Variants in CCDC138 observed in about 807,000 individuals in gnomAD.
The protein encoded by CCDC138 is coiled-coil domain-containing protein 138.
A neutral mutation model predicts 82.3 loss-of-function variants in CCDC138; 66 were observed. The ratio of observed to expected loss-of-function variants is 0.80; its 90% CI spans 0.66 to 0.98. The LOEUF (loss-of-function observed/expected upper bound fraction) is 0.98. Ranked by LOEUF, CCDC138 falls within the 50% of genes least tolerant of loss-of-function variation. The probability of loss-of-function intolerance (pLI) is 0.00; values close to 1 mark genes in which losing one functional copy is unlikely to be tolerated. For missense variants in CCDC138, 816 were observed against 758.9 expected, an observed-to-expected ratio of 1.08 and a Z score of -0.88; for synonymous variants, 297 against 265.4, an observed-to-expected ratio of 1.12 and a Z score of -1.16.
intron 10 of CCDC138, among the ~76,000 whole-genome samples, chr2:108,825,699 C>T (rs1474475142): frequency 2.0e-5 from 3 of 152,150 alleles, no homozygotes; most frequent in Non-Finnish European, 4.4e-5. Flanking sequence ...ACCCATATCA[C>T]TTGATAGACT....
At chr2:108,849,209 G>A (rs1314888806) in intron 12 of CCDC138, among the ~76,000 whole-genome samples, 2 of 151,972 alleles carry the variant, frequency 1.3e-5, no homozygotes, top group African/African-American at 2.4e-5. Flanking sequence ...AAAGAAAACA[G>A]AACATCAGTG....
chr2:108,876,406 T>C lies in CCDC138; in HGVS notation c.*153T>C. 2.1e-6 allele frequency: 1 copy of C among 469,824 alleles called. No individual in the cohort carries two copies. The highest frequency in any genetic ancestry group is 3.7e-6 in the Non-Finnish European group (1 of 271,330). 29.1% of individuals were successfully genotyped at this position (469,824 alleles called of 1,614,324 possible). A position where few individuals can be genotyped will look rare whatever the true frequency, so the allele number is the denominator to read the frequency against. ...TTTTGAACTGTAAAAATGAAATCTGTAGAAGGTATTGGAACTTTTGGAATG... is the reference window on the plus strand; with the variant it reads ...TTTTGAACTGTAAAAATGAAATCTGCAGAAGGTATTGGAACTTTTGGAATG... On this transcript the variant is annotated 3_prime_UTR_variant, in exon 15 of 15. Transcript: ENST00000295124.
rs1288570104 is a variant in CCDC138, at chr2:108,807,878, G to A, written c.855+2870G>A. Among the ~76,000 whole-genome samples, 5 of 152,146 alleles carry A rather than the reference G, an allele frequency of 3.3e-5. No homozygotes were observed. The South Asian group carries it at 6.2e-4, about 19-fold the overall frequency. On this transcript the variant is annotated intron_variant, in intron 7 of 14. Transcript: ENST00000295124. The stretch of plus-strand genomic sequence containing the variant: ...CCTGCCTCGGCCTCCCGAAGTGCTC[G>A]GATTACAGGCCTGAGCCACTGTACC...
In CCDC138 at chr2:108,862,071, A is replaced by G. The variant is rs572869455; in HGVS notation, c.1693+5101A>G. Among the ~76,000 whole-genome samples the G allele has an allele frequency of 5.8e-3, 586 of 101,210 alleles. 1 individual carries two copies. The highest frequency in any genetic ancestry group is 9.1e-3 in the Non-Finnish European group (471 of 52,006). 66.4% of individuals were successfully genotyped at this position (101,210 alleles called of 152,430 possible). Reference sequence around the variant, plus strand: ...ATGGCCCAAGAGGATTCTTGGTATGATTTCAGTTTTTTTTTTTTTTATTTG... The same window carrying G: ...ATGGCCCAAGAGGATTCTTGGTATGGTTTCAGTTTTTTTTTTTTTTATTTG... On this transcript the variant is annotated intron_variant, in intron 13 of 14. Coordinates refer to ENST00000295124, the MANE Select transcript of CCDC138 (RefSeq NM_144978.3).
chr2:108,854,013 ATATAATAAATTTATATTATATATAAT>A (rs1692144824), intron 12 of CCDC138, among the ~76,000 whole-genome samples: 1 of 117,044 alleles, frequency 8.5e-6, no homozygotes, highest in Non-Finnish European at 1.7e-5. Flanking sequence ...TATATATAAT[ATATAATAAATTTATATTATATATAAT>A]ATATAATAAA....
chr2:108,823,794 A>G (rs1686103913), intron 10 of CCDC138, among the ~76,000 whole-genome samples: 1 of 152,198 alleles, frequency 6.6e-6, no homozygotes, highest in Non-Finnish European at 1.5e-5. Flanking sequence ...AGCCTGGCCA[A>G]TGTGAAACTC....
chr2:108,833,426 T>A (rs1180479571), intron 10 of CCDC138, among the ~76,000 whole-genome samples: 1 of 152,136 alleles, frequency 6.6e-6, no homozygotes, highest in East Asian at 1.9e-4. Flanking sequence ...GATCTGTTAG[T>A]TTAAAAGTAA....
At chr2:108,864,611 C>T (rs1694126577) in intron 13 of CCDC138, among the ~76,000 whole-genome samples, 1 of 152,050 alleles carries the variant, frequency 6.6e-6, no homozygotes, top group Non-Finnish European at 1.5e-5. Context: ...GCCTGGCTAA[C>T]ATGGTGAAAC....
rs561164429 is a variant in CCDC138 at position 108,855,058 on chromosome 2, T to C, written c.1517-1736T>C. ...GACATTGTTAAAAGACTGAATAATA[T>C]AGCATTTATAAAAAGAAACCAACTT... is the stretch of plus-strand genomic sequence containing the variant. On this transcript the variant is annotated intron_variant, in intron 12 of 14. Transcript: ENST00000295124. Among the ~76,000 whole-genome samples the C allele has an allele frequency of 3.3e-5, 5 of 152,266 alleles. No homozygotes were observed. In the South Asian group the frequency reaches 8.3e-4, roughly 25 times the overall value.
intron 5 of CCDC138, among the ~76,000 whole-genome samples, chr2:108,797,017 T>C (rs1486333924): frequency 6.6e-6 from 1 of 152,190 alleles, no homozygotes; most frequent in Non-Finnish European, 1.5e-5. Flanking sequence ...GTAATAGATA[T>C]CCCCATCACC....
chr2:108,876,362 C>A lies in CCDC138; in HGVS notation c.*109C>A. Reference sequence around the variant, plus strand: ...TAAAGTTATCAGTAGCATCATTTATCATGAAAAATAAATAATTTTTTTGAA... The same window carrying A: ...TAAAGTTATCAGTAGCATCATTTATAATGAAAAATAAATAATTTTTTTGAA... On this transcript the variant is annotated 3_prime_UTR_variant, in exon 15 of 15. Transcript: ENST00000295124. 1 of 597,040 alleles carries A rather than the reference C, an allele frequency of 1.7e-6. No individual in the cohort carries two copies. Among genetic ancestry groups the A allele is most frequent in the Non-Finnish European group, 2.8e-6 (1 of 357,898 alleles). 37.0% of individuals were successfully genotyped at this position (597,040 alleles called of 1,614,324 possible).
downstream of CCDC138, among the ~76,000 whole-genome samples, chr2:108,880,945 A>G (rs6744968): frequency 0.73 from 110,866 of 152,168 alleles, 43,123 homozygotes; most frequent in East Asian, 0.95. Context: ...ATAATTCATG[A>G]GAGAAGTTCA....
intron 6 of CCDC138, among the ~76,000 whole-genome samples, chr2:108,803,643 C>T (rs2149658950): frequency 6.6e-6 from 1 of 152,254 alleles, no homozygotes; most frequent in Admixed American, 6.5e-5. Context: ...GTCTGGGACC[C>T]ACCCTGAGGC....
At chr2:108,807,191 A>G (rs1385807167) in intron 7 of CCDC138, among the ~76,000 whole-genome samples, 2 of 152,252 alleles carry the variant, frequency 1.3e-5, no homozygotes, top group Non-Finnish European at 2.9e-5. Context: ...TTAACAGGCA[A>G]TGACTTTAAA....
chr2:108,805,045 T>G (rs200211544), intron 7 of CCDC138, 37 bp downstream of exon 7: 92 of 1,133,396 alleles, frequency 8.1e-5, no homozygotes, highest in Non-Finnish European at 1.0e-4. Flanking sequence ...ACATAAGACA[T>G]TCTAAGAAGT....
intron 12 of CCDC138, among the ~76,000 whole-genome samples, chr2:108,847,941 A>G (rs529242825): frequency 6.6e-6 from 1 of 152,336 alleles, no homozygotes; most frequent in African/African-American, 2.4e-5. Context: ...TACGAGAAGC[A>G]GGGATTAGCT....
chr2:108,786,755 GCGGCCGCGTAGCGCC>G, upstream of CCDC138: 1 of 1,441,356 alleles, frequency 6.9e-7, no homozygotes, highest in South Asian at 1.2e-5. Context: ...GTGACGCACT[GCGGCCGCGTAGCGCC>G]GCGGGTTTGA....
chr2:108,836,143 CTTA>C (rs1463733343), intron 10 of CCDC138, among the ~76,000 whole-genome samples: 1 of 152,132 alleles, frequency 6.6e-6, no homozygotes, highest in Non-Finnish European at 1.5e-5. Flanking sequence ...AACCATAGCG[CTTA>C]TTAAATAACA....
At chr2:108,875,959 C>T in intron 14 of CCDC138, 129 bp from the exon 15 acceptor site, 2 of 574,194 alleles carry the variant, frequency 3.5e-6, no homozygotes, top group Non-Finnish European at 6.0e-6. Context: ...TTTTAGTTGC[C>T]TATTTTCTCC....
Sources: gnomAD v4.1 joint callset for allele counts (sites outside exome capture counted in the v4.1 genomes callset) on GRCh38, gnomAD v4.1.1 for gene constraint, MANE v1.5 for transcripts, NCBI Gene and HGNC (gene_info 2026-07-23, HGNC 2026-07-21) for gene names.